The following ZNF30 variants were observed in gnomAD, a reference collection of about 807,000 sequenced individuals.
ZNF30 encodes the protein zinc finger protein 30 (KOX 28).
A neutral mutation model predicts 13.2 loss-of-function variants in ZNF30; 15 were observed. That is an observed-to-expected ratio of 1.13 (90% CI 0.76 to 1.75). The LOEUF (loss-of-function observed/expected upper bound fraction) is 1.75. Ranked by LOEUF, ZNF30 falls within the 40% of genes most tolerant of loss-of-function variation. The pLI, the probability that ZNF30 is intolerant of heterozygous loss-of-function variation, is 0.00. For missense variants in ZNF30, 726 were observed against 757.0 expected (o/e 0.96, Z 0.48); for synonymous variants, 223 against 256.6 (o/e 0.87, Z 1.25).
intron 2 of ZNF30, 80 bp from the exon 3 acceptor site, chr19:34,931,763 A>C: frequency 7.1e-7 from 1 of 1,412,740 alleles, no homozygotes; most frequent in South Asian, 1.3e-5. Flanking sequence ...TGTGATTGTT[A>C]TGTTATTGCT....
In ZNF30 at chr19:34,944,369, A is replaced by G; in HGVS notation, c.1403A>G (p.His468Arg). The G allele has an allele frequency of 1.2e-6, 2 of 1,614,028 alleles. No individual in the cohort carries two copies. Among genetic ancestry groups the G allele is most frequent in the Non-Finnish European group, 1.7e-6 (2 of 1,179,990 alleles). The stretch of plus-strand genomic sequence containing the variant: ...GAATGTGGCAAGGCCTTCAGAGTGC[A>G]CGTACATCTCACACAGCATCGGAAA... ...CKECGKAFRV[H>R]VHLTQHRKIH... Residue 468 changes from histidine to arginine, a missense_variant, in exon 5 of 5, where the codon CAC becomes CGC. Coordinates refer to ENST00000601142, the MANE Select transcript of ZNF30 (RefSeq NM_194325.3).
At position 34,943,724 on chromosome 19, in the gene ZNF30, C is replaced by T. The variant is rs779657296; in HGVS notation, c.758C>T (p.Thr253Ile). The change falls in exon 5 of 5, where the codon ACT becomes ATT. Residue 253 changes from threonine to isoleucine, a missense_variant. By Grantham distance (89) the Thr-to-Ile change is moderately conservative (BLOSUM62 -1). Coordinates refer to ENST00000601142, the MANE Select transcript of ZNF30 (RefSeq NM_194325.3). ...VYGKLTRHQS[T>I]HTGEKPFGCE... ...GGAAAGCTTACCCGGCATCAGAGTA[C>T]TCACACTGGTGAAAAACCCTTTGGG... The T allele has an allele frequency of 3.1e-6, 5 of 1,613,560 alleles. No homozygotes were observed. Among genetic ancestry groups the T allele is most frequent in the Non-Finnish European group, 4.2e-6 (5 of 1,179,748 alleles).
chr19:34,941,131 T>C (rs889824473), intron 4 of ZNF30, among the ~76,000 whole-genome samples: 1 of 152,222 alleles, frequency 6.6e-6, no homozygotes, highest in African/African-American at 2.4e-5. Context: ...TGTGACATTG[T>C]CCAGATCTGT....
At chr19:34,932,055 AT>A in intron 3 of ZNF30, 62 bp downstream of exon 3, 1 of 1,418,694 alleles carries the variant, frequency 7.0e-7, no homozygotes. Flanking sequence ...TCCTTTGCAG[AT>A]TTTAGGGCTA....
chr19:34,945,068 TAC>T lies in ZNF30; in HGVS notation c.*231_*232del. ...ATTCAGAAAAAGTGGGAAACGTTAT[TAC>T]TTAATGGTTACAGCACTGACAGCAT... On this transcript the variant is annotated 3_prime_UTR_variant, in exon 5 of 5. Coordinates refer to ENST00000601142, the MANE Select transcript of ZNF30 (RefSeq NM_194325.3). 23 of 457,290 alleles carry T rather than the reference TAC, an allele frequency of 5.0e-5. No individual in the cohort carries two copies. Among genetic ancestry groups the T allele is most frequent in the South Asian group, 1.9e-4 (3 of 16,146 alleles). The allele number at this position is 457,290 out of a possible 1,614,324, so 28.3% of individuals were successfully genotyped here.
intron 4 of ZNF30, among the ~76,000 whole-genome samples, chr19:34,942,873 C>G (rs2013116736): frequency 6.6e-6 from 1 of 152,182 alleles, no homozygotes; most frequent in South Asian, 2.1e-4. Flanking sequence ...AAAATTTCAT[C>G]TGCATCAGAA....
chr19:34,942,590 AT>A, intron 4 of ZNF30: 1 of 1,276,886 alleles, frequency 7.8e-7, no homozygotes, highest in Non-Finnish European at 1.0e-6. Context: ...TTAAACATGG[AT>A]AGGATAAGAA....
chr19:34,928,246 TATATATATAGATAG>T (rs1159952251), intron 1 of ZNF30, among the ~76,000 whole-genome samples: 15 of 54,028 alleles, frequency 2.8e-4, no homozygotes, highest in Middle Eastern at 9.6e-3. Context: ...TATATATATA[TATATATATAGATAG>T]ATAGATAGAT....
intron 2 of ZNF30, among the ~76,000 whole-genome samples, chr19:34,930,703 AT>A (rs1555778571): frequency 1.3e-5 from 2 of 151,930 alleles, no homozygotes; most frequent in Admixed American, 1.3e-4. Flanking sequence ...ACCAAAAAAA[AT>A]TTTTTTTAAT....
rs769407069 is a variant in ZNF30 at position 34,944,247 on chromosome 19, CTATGAATG to C, written c.1284_1291del (p.Tyr428Ter). 1 of 1,613,296 alleles carries C rather than the reference CTATGAATG, an allele frequency of 6.2e-7. No homozygotes were observed. The highest frequency in any genetic ancestry group is 8.5e-7 in the Non-Finnish European group (1 of 1,179,832). On this transcript the variant is annotated frameshift_variant, in exon 5 of 5. Coordinates refer to ENST00000601142, the MANE Select transcript of ZNF30 (RefSeq NM_194325.3). LOFTEE classifies it low-confidence loss of function (END_TRUNC). ...AGAGGATCCATACTGGGGAGAAACC[CTATGAATG>C]TAAGGAATGTGGCAAAGCCTTTATT...
chr19:34,938,932 TAAAG>T (rs899045170), intron 4 of ZNF30, among the ~76,000 whole-genome samples: 5 of 152,058 alleles, frequency 3.3e-5, no homozygotes, highest in Non-Finnish European at 7.4e-5. Flanking sequence ...TGCCGTGACT[TAAAG>T]AAGATACAAG....
chr19:34,925,890 C>T (rs10417753), upstream of ZNF30, among the ~76,000 whole-genome samples: 3,532 of 152,138 alleles, frequency 0.023, 141 homozygotes, highest in African/African-American at 0.081. Flanking sequence ...GAACAGAGCT[C>T]GGCTGGCCGC....
chr19:34,931,513 G>T (rs2012451314), intron 2 of ZNF30, among the ~76,000 whole-genome samples: 1 of 152,166 alleles, frequency 6.6e-6, no homozygotes, highest in Non-Finnish European at 1.5e-5. Flanking sequence ...TAAAGGGAAA[G>T]TAATATAGAG....
chr19:34,941,580 C>A (rs1172386294), intron 4 of ZNF30, among the ~76,000 whole-genome samples: 2 of 152,062 alleles, frequency 1.3e-5, no homozygotes, highest in Non-Finnish European at 2.9e-5. Context: ...TTTTTTGACA[C>A]AAACTCAGGT....
chr19:34,927,415 C>T (rs1202971327), intron 1 of ZNF30, 199 bp downstream of exon 1: 25 of 165,296 alleles, frequency 1.5e-4, no homozygotes, highest in Non-Finnish European at 1.3e-5. Context: ...GCAAAAGACT[C>T]TTCAACTCTC....
chr19:34,944,712 C>T lies in ZNF30; in HGVS notation c.1746C>T (p.Phe582=), dbSNP rs202005986. ...GGAAGGCCTTTAGACTTAATTCATT[C>T]CTTACTGAACATCAGCGGGTACACA... The part of the protein sequence containing the change: ...ECGKAFRLNS[F]LTEHQRVHTG... The change falls in exon 5 of 5, where the codon TTC becomes TTT. Residue 582 remains phenylalanine, a synonymous_variant. Transcript: ENST00000601142. The T allele has an allele frequency of 2.5e-6, 4 of 1,612,478 alleles. No individual in the cohort carries two copies. The East Asian group carries it at 8.9e-5, about 36-fold the overall frequency.
At chr19:34,925,043 G>A (rs1275221193), upstream of ZNF30, among the ~76,000 whole-genome samples, 1 of 152,202 alleles carries the variant, frequency 6.6e-6, no homozygotes, top group African/African-American at 2.4e-5. Context: ...CTGGCAGGGC[G>A]TGCGATGGGG....
chr19:34,943,077 C>CT (rs11315514), intron 4 of ZNF30, 146 bp from the exon 5 acceptor site: 15,211 of 473,480 alleles, frequency 0.032, 17 homozygotes, highest in Non-Finnish European at 0.036. Context: ...CTCTGCATTC[C>CT]TTTTTTTTTT....
intron 4 of ZNF30, among the ~76,000 whole-genome samples, chr19:34,934,228 A>G (rs1263893808): frequency 3.9e-5 from 6 of 152,130 alleles, no homozygotes; most frequent in African/African-American, 7.2e-5. Flanking sequence ...GTAAGAAGAA[A>G]AAAGCTAGAG....
Sources: allele counts gnomAD v4.1 joint callset (sites outside exome capture counted in the v4.1 genomes callset), GRCh38; gene constraint gnomAD v4.1.1; transcripts MANE v1.5; gene names NCBI Gene and HGNC (gene_info 2026-07-23, HGNC 2026-07-21).